CFAP99: variants seen among roughly 807,000 people sequenced by gnomAD.
The protein encoded by CFAP99 is cilia and flagella associated protein 99, also known as cilia- and flagella-associated protein 99.
CFAP99 carries 84 observed loss-of-function variants against 82.7 expected under a neutral mutation model. The ratio of observed to expected loss-of-function variants is 1.02; its 90% confidence interval spans 0.85 to 1.22. CFAP99 has a LOEUF of 1.22. CFAP99 is among the 50% of genes most tolerant of loss of function. The pLI, the probability that CFAP99 is intolerant of heterozygous loss-of-function variation, is 0.00. For missense variants in CFAP99, 1,059 were observed against 983.5 expected (o/e 1.08, Z -1.03); for synonymous variants, 456 against 429.5 (o/e 1.06, Z -0.76).
At chr4:2,442,784 A>T (rs1046467752) in intron 4 of CFAP99, among the ~76,000 whole-genome samples, 22 of 152,214 alleles carry the variant, frequency 1.4e-4, no homozygotes, top group African/African-American at 5.3e-4. Context: ...CCCAGCTGGA[A>T]GGGGAGCCAA....
chr4:2,455,581 C>G (rs916013351), intron 11 of CFAP99, among the ~76,000 whole-genome samples: 4 of 152,196 alleles, frequency 2.6e-5, no homozygotes, highest in Non-Finnish European at 5.9e-5. Context: ...CCCACCAACT[C>G]AGGAGGCTGA....
intron 6 of CFAP99, among the ~76,000 whole-genome samples, chr4:2,447,608 A>G (rs1734194932): frequency 6.8e-6 from 1 of 147,782 alleles, no homozygotes; most frequent in South Asian, 2.3e-4. Context: ...CACATGGGTG[A>G]GTAGATGAAT....
exon 3 of CFAP99, chr4:2,436,906 G>T (rs1733924812): frequency 6.5e-7 from 1 of 1,535,940 alleles, no homozygotes. Flanking sequence ...GCTTTGTTTT[G>T]GAGGTTCTGT....
In CFAP99 at chr4:2,462,533, G is replaced by A. The variant is rs991185369; in HGVS notation, c.1752G>A (p.Arg584=). The A allele has an allele frequency of 4.8e-6, 7 of 1,471,974 alleles. No individual in the cohort carries two copies. The African/African-American group carries it at 8.8e-5, about 19-fold the overall frequency. 91.2% of individuals were successfully genotyped at this position (1,471,974 alleles called of 1,614,324 possible). A position where few individuals can be genotyped will look rare whatever the true frequency, so the allele number is the denominator to read the frequency against. ...AGCTGCGGCGCAGGATCTCGGAGAGGGCGGCCGAGCGCAGCAGGCAGGCGG... is the reference window on the plus strand; with the variant it reads ...AGCTGCGGCGCAGGATCTCGGAGAGAGCGGCCGAGCGCAGCAGGCAGGCGG... Residue 584 remains arginine, a synonymous_variant, in exon 15 of 15, where the codon AGG becomes AGA. Transcript: ENST00000635017. This position sits in a 1 kb window ranked among gnomAD's most constrained non-coding sequence, Gnocchi z 4.1.
intron 4 of CFAP99, among the ~76,000 whole-genome samples, chr4:2,441,454 G>A (rs960354862): frequency 6.6e-6 from 1 of 152,084 alleles, no homozygotes; most frequent in Non-Finnish European, 1.5e-5. Context: ...GGTGGCCCTG[G>A]ATCAATCTCG....
intron 13 of CFAP99, among the ~76,000 whole-genome samples, chr4:2,459,726 A>C (rs1734566980): frequency 6.6e-6 from 1 of 152,196 alleles, no homozygotes; most frequent in Non-Finnish European, 1.5e-5. Flanking sequence ...CCCAGCCCCG[A>C]GGCCATGGGG....
intron 11 of CFAP99, among the ~76,000 whole-genome samples, chr4:2,454,581 C>CTTTTTTTTTTTTT (rs200727697): frequency 3.2e-5 from 3 of 94,716 alleles, no homozygotes; most frequent in Non-Finnish European, 4.2e-5. Flanking sequence ...TGTTTTTTTT[C>CTTTTTTTTTTTTT]TTTTTTTTTT....
At chr4:2,427,048 G>A (rs1733700271) in intron 2 of CFAP99, 1 of 181,112 alleles carries the variant, frequency 5.5e-6, no homozygotes. Context: ...ACAGAGGCAG[G>A]GGCTGGCCTG....
exon 5 of CFAP99, chr4:2,443,207 C>A (rs1382929558): frequency 1.3e-6 from 2 of 1,535,768 alleles, no homozygotes; most frequent in East Asian, 2.4e-5. Context: ...ACGAGCCAGC[C>A]CACGTGAAGG....
intron 1 of CFAP99, among the ~76,000 whole-genome samples, chr4:2,423,967 G>T (rs535056916): frequency 6.6e-6 from 1 of 152,226 alleles, no homozygotes; most frequent in Non-Finnish European, 1.5e-5. Context: ...GCTCATGCTC[G>T]CTTTGTTCTG....
chr4:2,453,260 C>A (rs1461576711), intron 11 of CFAP99, among the ~76,000 whole-genome samples: 2 of 152,102 alleles, frequency 1.3e-5, no homozygotes, highest in African/African-American at 4.8e-5. Flanking sequence ...TTGTCCTTCC[C>A]TTTTTTGTTA....
At chr4:2,449,578 C>A in intron 6 of CFAP99, 92 bp from the exon 7 acceptor site, 1 of 1,172,304 alleles carries the variant, frequency 8.5e-7, no homozygotes, top group South Asian at 1.3e-5. Flanking sequence ...TCCCCTTCAC[C>A]CACATCCACC....
At chr4:2,420,565 G>T (rs1733560802) in intron 1 of CFAP99, among the ~76,000 whole-genome samples, 1 of 152,136 alleles carries the variant, frequency 6.6e-6, no homozygotes, top group African/African-American at 2.4e-5. Context: ...CTGCTCAGAG[G>T]CTCCCTTCCT....
intron 7 of CFAP99, 60 bp from the exon 8 acceptor site, chr4:2,449,874 T>C: frequency 6.5e-7 from 1 of 1,529,308 alleles, no homozygotes; most frequent in African/African-American, 1.4e-5. Flanking sequence ...CGTCCTCCCA[T>C]GGCCTGGAGG....
chr4:2,460,545 C>G (rs570988486), intron 14 of CFAP99, among the ~76,000 whole-genome samples: 2 of 152,214 alleles, frequency 1.3e-5, no homozygotes, highest in Non-Finnish European at 2.9e-5. Context: ...CTATTTATGT[C>G]TGCAGAAGCA....
chr4:2,437,647 A>C (rs1484940120), intron 3 of CFAP99, among the ~76,000 whole-genome samples: 1 of 152,162 alleles, frequency 6.6e-6, no homozygotes, highest in Non-Finnish European at 1.5e-5. Flanking sequence ...CTTGCCACCC[A>C]GCTGGAGCCT....
intron 7 of CFAP99, 32 bp from the exon 8 acceptor site, chr4:2,449,902 G>GTGGGA: frequency 6.5e-7 from 1 of 1,535,976 alleles, no homozygotes; most frequent in Middle Eastern, 1.7e-4. Context: ...GCAGAGGCTG[G>GTGGGA]TGGGACTGGA....
chr4:2,440,494 G>A (rs1248989164), intron 4 of CFAP99, among the ~76,000 whole-genome samples: 2 of 150,692 alleles, frequency 1.3e-5, no homozygotes, highest in Non-Finnish European at 3.0e-5. Flanking sequence ...CCTCACGCCT[G>A]TAATCCCAAA....
intron 11 of CFAP99, among the ~76,000 whole-genome samples, chr4:2,452,896 CTG>C (rs1734337561): frequency 6.6e-6 from 1 of 152,078 alleles, no homozygotes; most frequent in South Asian, 2.1e-4. Flanking sequence ...AATCCCGTCT[CTG>C]TAAAAAATAC....
Sources: allele counts gnomAD v4.1 joint callset (sites outside exome capture counted in the v4.1 genomes callset), GRCh38; gene constraint gnomAD v4.1.1; non-coding constraint Gnocchi (gnomAD v3.1); transcripts MANE v1.5; gene names NCBI Gene and HGNC (gene_info 2026-07-23, HGNC 2026-07-21).